The following ANXA11 variants were observed in gnomAD, a reference collection of about 807,000 sequenced individuals.
ANXA11 encodes annexin A11.
In ANXA11, 57 loss-of-function variants were observed where a neutral mutation model predicts 64.7. The observed-to-expected ratio is 0.88, with a 90% CI of 0.71 to 1.10. ANXA11 has a LOEUF of 1.10. Among genes scored for constraint, ANXA11 ranks in the 50% least tolerant of loss-of-function variants. ANXA11 has a pLI of 0.00. For synonymous variants in ANXA11, 260 were observed against 265.2 expected (o/e 0.98, Z 0.19); for missense variants, 675 against 670.7 (o/e 1.01, Z -0.07).
chr10:80,192,876 C>CA (rs1260482463), intron 1 of ANXA11, among the ~76,000 whole-genome samples: 2 of 152,066 alleles, frequency 1.3e-5, no homozygotes, highest in Admixed American at 6.5e-5. Context: ...GCTTCAAAAA[C>CA]AAAAAACAAA....
intron 1 of ANXA11, among the ~76,000 whole-genome samples, chr10:80,178,210 GCTCTCT>G (rs3060571): frequency 8.0e-5 from 12 of 149,188 alleles, no homozygotes; most frequent in Admixed American, 2.0e-4. Context: ...CAGAAGATCT[GCTCTCT>G]CTCTCTCTCT....
rs750956259 is a variant in ANXA11, at chr10:80,155,257, C to T, written c.*596G>A. ...ACTGACAGGGAACTGGCTTTGTTCT[C>T]GTGGTTTCTGCAAGGAAGATGGAAG... On this transcript the variant is annotated 3_prime_UTR_variant, in exon 16 of 16. Transcript: ENST00000422982. 2.0e-5 allele frequency: 3 copies of T among 152,720 alleles called. No individual in the cohort carries two copies. Among genetic ancestry groups the T allele is most frequent in the Non-Finnish European group, 2.9e-5 (2 of 68,192 alleles). The allele number at this position is 152,720 out of a possible 1,614,324, so 9.5% of individuals were successfully genotyped here.
Position 80,173,098 on chromosome 10 carries a change from C to T in ANXA11, c.-8-229G>A, listed in dbSNP as rs373225500. ...GACTTCTGGGCCAGGGCCACACCCC[C>T]GGCCCCACCCACAGTGACAGGATTC... is the stretch of plus-strand genomic sequence containing the variant. On this transcript the variant is annotated intron_variant, in intron 2 of 15. Coordinates refer to ENST00000422982, the MANE Select transcript of ANXA11 (RefSeq NM_145868.2). 8.6e-5 allele frequency: 44 copies of T among 511,050 alleles called. No homozygotes were observed. In the East Asian group the frequency reaches 1.1e-3, roughly 13 times the overall value. The allele number at this position is 511,050 out of a possible 1,614,324, so 31.7% of individuals were successfully genotyped here.
intron 1 of ANXA11, among the ~76,000 whole-genome samples, chr10:80,198,566 G>T (rs1014189924): frequency 6.6e-6 from 1 of 152,232 alleles, no homozygotes; most frequent in Non-Finnish European, 1.5e-5. Flanking sequence ...GATTCAGGGT[G>T]CAGTCCAAGA....
intron 7 of ANXA11, 168 bp downstream of exon 7, chr10:80,166,722 T>A: frequency 1.6e-6 from 1 of 624,126 alleles, no homozygotes; most frequent in Non-Finnish European, 2.8e-6. Flanking sequence ...GGTGGCATCC[T>A]TCACCTCCCA....
At chr10:80,160,813 A>G (rs896582545) in intron 12 of ANXA11, among the ~76,000 whole-genome samples, 1 of 151,884 alleles carries the variant, frequency 6.6e-6, no homozygotes, top group Non-Finnish European at 1.5e-5. Flanking sequence ...CCCTACAGGC[A>G]CCTAAAGCCA....
intron 1 of ANXA11, among the ~76,000 whole-genome samples, chr10:80,198,281 G>A (rs961163590): frequency 7.9e-5 from 12 of 152,248 alleles, no homozygotes; most frequent in Non-Finnish European, 2.9e-5. Flanking sequence ...AGAAACTTCT[G>A]ATTGTCCTCC....
intron 1 of ANXA11, among the ~76,000 whole-genome samples, chr10:80,178,898 C>G (rs1846263223): frequency 6.6e-6 from 1 of 152,126 alleles, no homozygotes; most frequent in African/African-American, 2.4e-5. Context: ...TACATACCCC[C>G]CAGTCCCCAG....
At chr10:80,200,118 C>A (rs563428159) in intron 1 of ANXA11, among the ~76,000 whole-genome samples, 2 of 152,122 alleles carry the variant, frequency 1.3e-5, no homozygotes, top group Non-Finnish European at 2.9e-5. Context: ...GGAGTTTGCA[C>A]GCAAATCTCA....
At chr10:80,195,330 G>C (rs1241072554) in intron 1 of ANXA11, among the ~76,000 whole-genome samples, 3 of 152,216 alleles carry the variant, frequency 2.0e-5, no homozygotes, top group Non-Finnish European at 2.9e-5. Flanking sequence ...GCAACTGGAA[G>C]TTCAAGGACC....
intron 1 of ANXA11, among the ~76,000 whole-genome samples, chr10:80,199,348 C>T (rs759456423): frequency 1.3e-5 from 2 of 152,144 alleles, no homozygotes; most frequent in Non-Finnish European, 2.9e-5. Context: ...CTGCCCGCCT[C>T]GGCCTCCTAA....
Position 80,157,973 on chromosome 10 carries a change from G to A in ANXA11, c.1329C>T (p.Ala443=), listed in dbSNP as rs1426623577. Residue 443 remains alanine, a synonymous_variant, in exon 14 of 16, where the codon GCC becomes GCT. Coordinates refer to ENST00000422982, the MANE Select transcript of ANXA11 (RefSeq NM_145868.2). ...PAFFAERLNK[A]MRGAGTKDRT... The stretch of plus-strand genomic sequence containing the variant: ...GCACATGGAAGTTACATACCCTCAT[G>A]GCCTTGTTGAGCCTCTCCGCAAAGA... The A allele has an allele frequency of 2.0e-5, 33 of 1,613,838 alleles. No homozygotes were observed. The highest frequency in any genetic ancestry group is 2.8e-5 in the Non-Finnish European group (33 of 1,179,862).
At chr10:80,159,229 G>C in intron 12 of ANXA11, 34 bp from the exon 13 acceptor site, 1 of 1,557,964 alleles carries the variant, frequency 6.4e-7, no homozygotes, top group Non-Finnish European at 8.9e-7. Context: ...ATTATGAACT[G>C]AAATGTGTCT....
In ANXA11 at chr10:80,156,850, A is replaced by G. The variant is rs574799759; in HGVS notation, c.1458+791T>C. 589 of 291,992 alleles carry G rather than the reference A, an allele frequency of 2.0e-3. 3 individuals are homozygous for G. Among genetic ancestry groups the G allele is most frequent in the Non-Finnish European group, 2.8e-3 (543 of 196,028 alleles). 18.1% of individuals were successfully genotyped at this position (291,992 alleles called of 1,614,324 possible). A position where few individuals can be genotyped will look rare whatever the true frequency, so the allele number is the denominator to read the frequency against. ...AACAGCTTCATTCATACAGCCAAGG[A>G]AACACAGTGAGTTTCCTGTGATGAC... On this transcript the variant is annotated intron_variant, in intron 15 of 15. Coordinates refer to ENST00000422982, the MANE Select transcript of ANXA11 (RefSeq NM_145868.2).
chr10:80,193,593 C>T (rs1036158926), intron 1 of ANXA11, among the ~76,000 whole-genome samples: 6 of 151,976 alleles, frequency 3.9e-5, no homozygotes, highest in African/African-American at 1.4e-4. Flanking sequence ...TCTGTAATCC[C>T]AGCACTTTGG....
At chr10:80,204,306 C>T (rs998429398) in intron 1 of ANXA11, among the ~76,000 whole-genome samples, 1 of 152,226 alleles carries the variant, frequency 6.6e-6, no homozygotes, top group Non-Finnish European at 1.5e-5. Context: ...CCCTGTTAAT[C>T]CCCTGGAATC....
chr10:80,169,225 G>A lies in ANXA11; in HGVS notation c.305C>T (p.Pro102Leu). 1 of 1,612,142 alleles carries A rather than the reference G, an allele frequency of 6.2e-7. No individual in the cohort carries two copies. The highest frequency in any genetic ancestry group is 8.5e-7 in the Non-Finnish European group (1 of 1,179,470). ...QPPSAQQPVP[P>L]YGMYPPPGGN... ...TCCTGGGGGTGGATACATCCCATAG[G>A]GAGGAACAGGCTGCTGGGCAGAGGG... Residue 102 changes from proline to leucine, a missense_variant, in exon 5 of 16, where the codon CCC becomes CTC. Pro to Leu is a moderately conservative substitution (Grantham distance 98). Transcript: ENST00000422982.
In ANXA11 at chr10:80,169,012, T is replaced by C; in HGVS notation, c.518A>G (p.Tyr173Cys). The change falls in exon 5 of 16, where the codon TAC (tyrosine) becomes TGC (cysteine). Residue 173 changes from tyrosine to cysteine, a missense_variant. Transcript: ENST00000422982. ...GGGGGTGACAGTCCCAGACCCCGGG[T>C]ATCCTGGGTAGCTCGGCACTGGCTG... ...QQQPVPSYPG[Y>C]PGSGTVTPAV... 1 of 1,544,020 alleles carries C rather than the reference T, an allele frequency of 6.5e-7. No homozygotes were observed. Among genetic ancestry groups the C allele is most frequent in the Non-Finnish European group, 8.7e-7 (1 of 1,150,974 alleles).
chr10:80,163,507 C>A (rs1486950590), intron 10 of ANXA11, 27 bp downstream of exon 10: 3 of 1,596,966 alleles, frequency 1.9e-6, no homozygotes, highest in South Asian at 1.1e-5. Flanking sequence ...GGCTTGGGGG[C>A]CCCGAGCCCT....
Sources: allele counts gnomAD v4.1 joint callset (sites outside exome capture counted in the v4.1 genomes callset), GRCh38; gene constraint gnomAD v4.1.1; transcripts MANE v1.5; gene names NCBI Gene and HGNC (gene_info 2026-07-23, HGNC 2026-07-21).